Variants in ZNF391 observed in about 807,000 individuals in gnomAD.
ZNF391 encodes the protein zinc finger protein 391.
For missense variants in ZNF391, 375 were observed against 425.5 expected, an observed-to-expected ratio of 0.88 and a Z score of 1.04; for synonymous variants, 126 against 142.1, an observed-to-expected ratio of 0.89 and a Z score of 0.80.
In ZNF391 at chr6:27,402,337, G is replaced by A. The variant is rs1581540711; in HGVS notation, c.*890G>A. Reference sequence around the variant, plus strand: ...TTGATCTCTCAAGGACAAACCCAGTGCCTATTTCTCAGTCCTTTTTCTACT... The same window carrying A: ...TTGATCTCTCAAGGACAAACCCAGTACCTATTTCTCAGTCCTTTTTCTACT... On this transcript the variant is annotated 3_prime_UTR_variant, in exon 3 of 3. Transcript: ENST00000244576. 1 of 152,180 alleles carries A rather than the reference G, an allele frequency of 6.6e-6. No individual in the cohort carries two copies. Among genetic ancestry groups the A allele is most frequent in the East Asian group, 1.9e-4 (1 of 5,178 alleles). The allele number at this position is 152,180 out of a possible 1,614,324, so 9.4% of individuals were successfully genotyped here. A position where few individuals can be genotyped will look rare whatever the true frequency, so the allele number is the denominator to read the frequency against.
intron 1 of ZNF391, among the ~76,000 whole-genome samples, chr6:27,382,929 G>T (rs1002011509): frequency 1.3e-5 from 2 of 152,122 alleles, no homozygotes; most frequent in African/African-American, 4.8e-5. Flanking sequence ...AGACCAGCCT[G>T]GCCAACATGG....
At chr6:27,395,152 A>G (rs969798844) in intron 1 of ZNF391, 2 of 151,852 alleles carry the variant, frequency 1.3e-5, no homozygotes, top group Non-Finnish European at 2.9e-5. Flanking sequence ...GTATTTTGCA[A>G]TGTGAGGACT....
intron 1 of ZNF391, among the ~76,000 whole-genome samples, chr6:27,397,708 C>T (rs1481466323): frequency 1.3e-5 from 2 of 152,156 alleles, no homozygotes; most frequent in Non-Finnish European, 2.9e-5. Context: ...CGGCTCACTG[C>T]AACCTCTGCA....
intron 1 of ZNF391, among the ~76,000 whole-genome samples, chr6:27,398,396 T>G (rs901135026): frequency 6.6e-6 from 1 of 152,180 alleles, no homozygotes; most frequent in Non-Finnish European, 1.5e-5. Context: ...CAAAGGCTGC[T>G]GGAGCCAGGG....
chr6:27,383,532 G>A (rs1005403911), intron 1 of ZNF391, among the ~76,000 whole-genome samples: 3 of 152,146 alleles, frequency 2.0e-5, no homozygotes, highest in Non-Finnish European at 4.4e-5. Context: ...AGATCAGGGT[G>A]ACAACATATT....
chr6:27,385,765 T>C (rs1761575593), upstream of ZNF391, among the ~76,000 whole-genome samples: 2 of 152,134 alleles, frequency 1.3e-5, no homozygotes, highest in African/African-American at 4.8e-5. Flanking sequence ...ATCAACAACA[T>C]CATCAATCAA....
Position 27,403,102 on chromosome 6 carries a change from G to T in ZNF391, c.*1655G>T, listed in dbSNP as rs983333967. On this transcript the variant is annotated 3_prime_UTR_variant, in exon 3 of 3. Coordinates refer to ENST00000244576, the MANE Select transcript of ZNF391 (RefSeq NM_001076781.3). ...CTAGATTACTAAATTGATCACTGTT[G>T]ACTCACTACCATTATCTAGCTCCTT... 1.3e-5 allele frequency: 2 copies of T among 151,826 alleles called. No individual in the cohort carries two copies. The highest frequency in any genetic ancestry group is 2.9e-5 in the Non-Finnish European group (2 of 67,986). The allele number at this position is 151,826 out of a possible 1,614,324, so 9.4% of individuals were successfully genotyped here.
chr6:27,399,866 T>C (rs1408393167), intron 2 of ZNF391, among the ~76,000 whole-genome samples: 2 of 152,232 alleles, frequency 1.3e-5, no homozygotes, highest in Non-Finnish European at 2.9e-5. Context: ...GCATTCAAAC[T>C]TGATCAAGTC....
Position 27,400,932 on chromosome 6 carries a change from ACTGGAGAAAAAC to A in ZNF391, c.564_575del (p.Gly189_Pro192del). 1 of 1,614,198 alleles carries A rather than the reference ACTGGAGAAAAAC, an allele frequency of 6.2e-7. No individual in the cohort carries two copies. Among genetic ancestry groups the A allele is most frequent in the Non-Finnish European group, 8.5e-7 (1 of 1,180,008 alleles). ...TCTTAGTCTACATCAGAGAATCCAT[ACTGGAGAAAAAC>A]CATATGAATGTAGTGAATGTGGAAA... On this transcript the variant is annotated inframe_deletion, in exon 3 of 3. Transcript: ENST00000244576.
chr6:27,381,926 C>T (rs1353621358), intron 1 of ZNF391, among the ~76,000 whole-genome samples: 1 of 147,154 alleles, frequency 6.8e-6, no homozygotes, highest in African/African-American at 2.5e-5. Context: ...CCCAGCTACT[C>T]GGGAGGCTGA....
Position 27,401,000 on chromosome 6 carries a change from G to T in ZNF391, c.630G>T (p.Gln210His). 6.2e-7 allele frequency: 1 copy of T among 1,614,142 alleles called. No homozygotes were observed. The highest frequency in any genetic ancestry group is 8.5e-7 in the Non-Finnish European group (1 of 1,180,026). ...TTAGCCGAAGCACTAACCTTAGTCAGCATCAGCGAACTCATACTCAAGAAA... is the reference window on the plus strand; with the variant it reads ...TTAGCCGAAGCACTAACCTTAGTCATCATCAGCGAACTCATACTCAAGAAA... The part of the protein sequence containing the change: ...KAFSRSTNLS[Q>H]HQRTHTQERP... Residue 210 changes from glutamine to histidine, a missense_variant, in exon 3 of 3, where the codon CAG becomes CAT. Gln to His is a conservative substitution (Grantham distance 24). Coordinates refer to ENST00000244576, the MANE Select transcript of ZNF391 (RefSeq NM_001076781.3).
exon 1 of ZNF391, chr6:27,375,126 C>G (rs1027234490): frequency 6.6e-6 from 1 of 152,252 alleles, no homozygotes; most frequent in African/African-American, 2.4e-5. Context: ...CGAGTGCCTA[C>G]CCACCTATCA....
upstream of ZNF391, among the ~76,000 whole-genome samples, chr6:27,385,918 T>C (rs1761576920): frequency 6.6e-6 from 1 of 152,100 alleles, no homozygotes; most frequent in Non-Finnish European, 1.5e-5. Context: ...ATAGAAATCA[T>C]ACAATGATTT....
In ZNF391 at chr6:27,401,792, C is replaced by G. The variant is rs188759760; in HGVS notation, c.*345C>G. The G allele has an allele frequency of 8.3e-4, 144 of 173,914 alleles. No homozygotes were observed. The highest frequency in any genetic ancestry group is 3.2e-3 in the African/African-American group (133 of 42,032). The allele number at this position is 173,914 out of a possible 1,614,324, so 10.8% of individuals were successfully genotyped here. On this transcript the variant is annotated 3_prime_UTR_variant, in exon 3 of 3. Transcript: ENST00000244576. The stretch of plus-strand genomic sequence containing the variant: ...CTTTAGAGTATAAAGCTATCTGACA[C>G]CTTGTAGTTTCTCTGCTAATCTATT...
At chr6:27,390,625 A>G (rs1761686456) in intron 1 of ZNF391, among the ~76,000 whole-genome samples, 1 of 152,304 alleles carries the variant, frequency 6.6e-6, no homozygotes, top group South Asian at 2.1e-4. Context: ...TACATCCTCC[A>G]AAGCCAGGAA....
rs1761978238 is a variant in ZNF391, at chr6:27,401,840, C to G, written c.*393C>G. 6.2e-6 allele frequency: 1 copy of G among 160,776 alleles called. No homozygotes were observed. The highest frequency in any genetic ancestry group is 1.4e-5 in the Non-Finnish European group (1 of 72,730). The allele number at this position is 160,776 out of a possible 1,614,324, so 10.0% of individuals were successfully genotyped here. A position where few individuals can be genotyped will look rare whatever the true frequency, so the allele number is the denominator to read the frequency against. ...ATTCCTTCAAGCGTGGGTCCCCGAA[C>G]CACCAGGTTCTCCTCTGTTTTCTAA... On this transcript the variant is annotated 3_prime_UTR_variant, in exon 3 of 3. Transcript: ENST00000244576.
chr6:27,388,856 T>G lies in ZNF391; in HGVS notation c.-407T>G. 2.2e-6 allele frequency: 1 copy of G among 452,608 alleles called. No homozygotes were observed. The highest frequency in any genetic ancestry group is 1.6e-5 in the South Asian group (1 of 63,854). The allele number at this position is 452,608 out of a possible 1,614,324, so 28.0% of individuals were successfully genotyped here. A position where few individuals can be genotyped will look rare whatever the true frequency, so the allele number is the denominator to read the frequency against. ...CTGGTCCCGCATACCGAGCAGAGCATGATCAGCAGCAGTCTGAGTGGAAGA... is the reference window on the plus strand; with the variant it reads ...CTGGTCCCGCATACCGAGCAGAGCAGGATCAGCAGCAGTCTGAGTGGAAGA... On this transcript the variant is annotated 5_prime_UTR_variant, in exon 1 of 3. It removes an upstream start codon present in the reference 5' UTR. Coordinates refer to ENST00000244576, the MANE Select transcript of ZNF391 (RefSeq NM_001076781.3).
chr6:27,384,559 G>A (rs1477069122), upstream of ZNF391, among the ~76,000 whole-genome samples: 1 of 151,208 alleles, frequency 6.6e-6, no homozygotes, highest in Non-Finnish European at 1.5e-5. Context: ...ATGTACTACA[G>A]CCAATTTTTA....
At chr6:27,390,842 A>T (rs186438072) in intron 1 of ZNF391, 3 of 152,340 alleles carry the variant, frequency 2.0e-5, no homozygotes, top group African/African-American at 7.2e-5. Context: ...TGCAGTATTG[A>T]TGAAAGTTTT....
Sources: allele counts gnomAD v4.1 joint callset (sites outside exome capture counted in the v4.1 genomes callset), GRCh38; gene constraint gnomAD v4.1.1; transcripts MANE v1.5; gene names NCBI Gene and HGNC (gene_info 2026-07-23, HGNC 2026-07-21).